The following TNRC6B variants were observed in gnomAD, a reference collection of about 807,000 sequenced individuals.
TNRC6B encodes the protein trinucleotide repeat containing adaptor 6B, also known as trinucleotide repeat-containing gene 6B protein.
TNRC6B carries 52 observed loss-of-function variants against 203.6 expected under a neutral mutation model. The ratio of observed to expected loss-of-function variants is 0.26; its 90% CI spans 0.20 to 0.32. The LOEUF (loss-of-function observed/expected upper bound fraction) is 0.32, where lower values mean the gene tolerates loss of function less well. Among genes scored for constraint, TNRC6B ranks in the 10% least tolerant of loss-of-function variants. The pLI is 1.00. For missense variants in TNRC6B, 1,923 were observed against 2,286.2 expected (o/e 0.84, Z 3.24); for synonymous variants, 838 against 845.7 (o/e 0.99, Z 0.16).
chr22:40,088,316 G>C (rs1421392207), intron 1 of TNRC6B, among the ~76,000 whole-genome samples: 4 of 152,228 alleles, frequency 2.6e-5, no homozygotes, highest in Admixed American at 2.0e-4. Context: ...TACAGACCCA[G>C]TGGTGTTTGT....
At chr22:40,235,610 C>G (rs1352810957) in intron 1 of TNRC6B, among the ~76,000 whole-genome samples, 2 of 152,104 alleles carry the variant, frequency 1.3e-5, no homozygotes, top group African/African-American at 4.8e-5. Context: ...AAGATACTAC[C>G]ACGAAGTGAG....
chr22:40,232,646 T>C (rs775818429), intron 1 of TNRC6B, among the ~76,000 whole-genome samples: 1 of 152,206 alleles, frequency 6.6e-6, no homozygotes, highest in Non-Finnish European at 1.5e-5. Flanking sequence ...TGAAATTTTT[T>C]GCGGGGAAAA....
intron 22 of TNRC6B, 110 bp downstream of exon 22, chr22:40,321,339 C>T (rs1244033387): frequency 2.3e-6 from 3 of 1,285,304 alleles, no homozygotes; most frequent in Non-Finnish European, 2.1e-6. Context: ...CGAAGAATGG[C>T]ACCGTCACAC....
intron 3 of TNRC6B, among the ~76,000 whole-genome samples, chr22:40,137,416 T>A (rs561041618): frequency 1.3e-5 from 2 of 152,220 alleles, no homozygotes. Context: ...CACGGCAGAG[T>A]AATCAGCTGT....
chr22:40,175,159 C>T (rs2146372858), upstream of TNRC6B, among the ~76,000 whole-genome samples: 1 of 152,084 alleles, frequency 6.6e-6, no homozygotes, highest in African/African-American at 2.4e-5. Flanking sequence ...GAGTTCGAGA[C>T]CAGCCTGGCC....
chr22:40,206,147 TA>T, intron 1 of TNRC6B, among the ~76,000 whole-genome samples: 1 of 152,264 alleles, frequency 6.6e-6, no homozygotes, highest in East Asian at 1.9e-4. Flanking sequence ...TTTAATTTTT[TA>T]TTTTTTGTTT....
Position 40,331,908 on chromosome 22 carries a change from G to A in TNRC6B, c.*8667G>A. 3.2e-6 allele frequency: 1 copy of A among 313,076 alleles called. No individual in the cohort carries two copies. The highest frequency in any genetic ancestry group is 5.9e-6 in the Non-Finnish European group (1 of 170,502). The allele number at this position is 313,076 out of a possible 1,614,324, so 19.4% of individuals were successfully genotyped here. A position where few individuals can be genotyped will look rare whatever the true frequency, so the allele number is the denominator to read the frequency against. ...GAGATAGAGACCTCTGAGTCCTCTTGCCACTGTTGCTGGCAGGTCTGATGG... is the reference window on the plus strand; with the variant it reads ...GAGATAGAGACCTCTGAGTCCTCTTACCACTGTTGCTGGCAGGTCTGATGG... On this transcript the variant is annotated 3_prime_UTR_variant, in exon 23 of 23. Transcript: ENST00000454349.
chr22:40,168,355 CAATT>C (rs1362403254), intron 4 of TNRC6B, among the ~76,000 whole-genome samples: 2 of 152,120 alleles, frequency 1.3e-5, no homozygotes, highest in Non-Finnish European at 2.9e-5. Context: ...GGGGAAACGC[CAATT>C]AAGTGGTTAA....
At chr22:40,193,804 G>T (rs116183851) in intron 1 of TNRC6B, among the ~76,000 whole-genome samples, 1 of 152,026 alleles carries the variant, frequency 6.6e-6, no homozygotes, top group Non-Finnish European at 1.5e-5. Flanking sequence ...AAGTCTGAGT[G>T]GGAAAAAGAA....
intron 3 of TNRC6B, among the ~76,000 whole-genome samples, chr22:40,131,299 G>A (rs1200334771): frequency 2.0e-5 from 3 of 152,086 alleles, no homozygotes; most frequent in South Asian, 2.1e-4. Flanking sequence ...AGCATCTTCC[G>A]TAACATTTTC....
intron 3 of TNRC6B, chr22:40,125,986 CAT>C: frequency 2.1e-6 from 2 of 932,130 alleles, no homozygotes; most frequent in Non-Finnish European, 3.1e-6. Context: ...TAGAACCTAA[CAT>C]AAGATTGAGA....
intron 1 of TNRC6B, among the ~76,000 whole-genome samples, chr22:40,229,052 G>T (rs2069831368): frequency 6.6e-6 from 1 of 152,148 alleles, no homozygotes; most frequent in Admixed American, 6.5e-5. Context: ...CGTAAGAATG[G>T]TTAAAAAATT....
intron 8 of TNRC6B, among the ~76,000 whole-genome samples, chr22:40,277,560 C>G (rs2070661744): frequency 1.3e-5 from 2 of 152,200 alleles, no homozygotes; most frequent in African/African-American, 4.8e-5. Context: ...CTTTATCTCT[C>G]GGCAACGTTG....
At chr22:40,141,111 A>G (rs2068640550) in intron 3 of TNRC6B, among the ~76,000 whole-genome samples, 1 of 150,798 alleles carries the variant, frequency 6.6e-6, no homozygotes, top group Non-Finnish European at 1.5e-5. Flanking sequence ...TTTGCTTCAA[A>G]TTTCTCTCTC....
chr22:40,171,449 C>T lies in TNRC6B; in HGVS notation c.113+15267C>T, dbSNP rs183332289. ...GTGCTGGGATTACAGGCGTGAGCCA[C>T]CGCACCCGGCCATAAATGCTAAATT... On this transcript the variant is annotated intron_variant, in intron 4 of 23. Coordinates refer to the TNRC6B transcript ENST00000301923. Among the ~76,000 whole-genome samples the T allele has an allele frequency of 8.5e-5, 13 of 152,198 alleles. No homozygotes were observed. In the East Asian group the frequency reaches 2.3e-3, roughly 27 times the overall value.
In TNRC6B at chr22:40,061,824, A is replaced by G. The variant is rs111408317; in HGVS notation, c.-121+16826A>G. On this transcript the variant is annotated intron_variant, in intron 1 of 23. Coordinates refer to the TNRC6B transcript ENST00000301923. ...CACGGTGGCTCACACCTGTAATCCC[A>G]GCACTTTGGGAGGCCAAGGTGGGTG... 4.1e-3 allele frequency among the ~76,000 whole-genome samples: 625 copies of G among 152,278 alleles called. 4 individuals are homozygous for G. The highest frequency in any genetic ancestry group is 0.017 in the Middle Eastern group (5 of 294).
chr22:40,203,878 C>T (rs2069445158), intron 1 of TNRC6B, among the ~76,000 whole-genome samples: 1 of 152,202 alleles, frequency 6.6e-6, no homozygotes, highest in African/African-American at 2.4e-5. Flanking sequence ...GGGTGTCCAG[C>T]ATCGGCGTGG....
chr22:40,146,638 C>T lies in TNRC6B; in HGVS notation c.46-9477C>T, dbSNP rs1205679809. Among the ~76,000 whole-genome samples the T allele has an allele frequency of 2.1e-5, 3 of 145,294 alleles. No homozygotes were observed. The East Asian group carries it at 6.1e-4, about 29-fold the overall frequency. ...CTGGAGTGCAGTGGCGCAATCTCAGCTTACTGCAACCTCCTCCCCCTAGCA... is the reference window on the plus strand; with the variant it reads ...CTGGAGTGCAGTGGCGCAATCTCAGTTTACTGCAACCTCCTCCCCCTAGCA... On this transcript the variant is annotated intron_variant, in intron 3 of 23. Transcript: ENST00000301923.
At chr22:40,212,074 A>T (rs1231971798) in intron 1 of TNRC6B, among the ~76,000 whole-genome samples, 1 of 152,232 alleles carries the variant, frequency 6.6e-6, no homozygotes, top group Non-Finnish European at 1.5e-5. Context: ...ATTTAGCCTG[A>T]AAGACAAAGC....
Sources: allele counts gnomAD v4.1 joint callset (sites outside exome capture counted in the v4.1 genomes callset), GRCh38; gene constraint gnomAD v4.1.1; transcripts MANE v1.5; gene names NCBI Gene and HGNC (gene_info 2026-07-23, HGNC 2026-07-21).